DNAH11: variants seen among roughly 807,000 people sequenced by gnomAD.
The protein encoded by DNAH11 is dynein axonemal heavy chain 11, also known as axonemal beta dynein heavy chain 11.
In DNAH11, 442 loss-of-function variants were observed where a neutral mutation model predicts 526.0. That is an observed-to-expected ratio of 0.84 (90% CI 0.78 to 0.91). DNAH11 has a LOEUF of 0.91. Among genes scored for constraint, DNAH11 ranks in the 40% least tolerant of loss-of-function variants. The pLI, the probability that DNAH11 is intolerant of heterozygous loss-of-function variation, is 0.00. For synonymous variants in DNAH11, 2,461 were observed against 1,935.9 expected, an observed-to-expected ratio of 1.27 and a Z score of -7.12; for missense variants, 6,989 against 5,448.7, an observed-to-expected ratio of 1.28 and a Z score of -8.90.
Position 21,704,459 on chromosome 7 carries a change from T to G in DNAH11, c.6299T>G (p.Phe2100Cys). The G allele has an allele frequency of 6.2e-7, 1 of 1,613,694 alleles. No individual in the cohort carries two copies. The highest frequency in any genetic ancestry group is 8.5e-7 in the Non-Finnish European group (1 of 1,179,764). The change falls in exon 38 of 82, where the codon TTC becomes TGC. Residue 2100 changes from phenylalanine to cysteine, a missense_variant. By Grantham distance (205) the Phe-to-Cys change is radical. Transcript: ENST00000409508. ...DQVLMRALRD[F>C]NMPKIVTDDI... ...GTACTCATGAGAGCATTAAGGGATT[T>G]CAATATGCCCAAAATAGTGACTGAC...
chr7:21,797,096 A>G (rs1788750496), intron 61 of DNAH11, among the ~76,000 whole-genome samples: 2 of 152,180 alleles, frequency 1.3e-5, no homozygotes, highest in African/African-American at 2.4e-5. Context: ...ATAGAGAAAA[A>G]TTTTTTGAAA....
chr7:21,618,173 T>C (rs1000750009), intron 23 of DNAH11: 2 of 156,124 alleles, frequency 1.3e-5, no homozygotes, highest in African/African-American at 4.8e-5. Context: ...GACACAGAGA[T>C]AGTCTGGCAA....
chr7:21,681,540 T>G lies in DNAH11; in HGVS notation c.5329-6T>G, dbSNP rs371867661. On this transcript the variant is annotated splice_polypyrimidine_tract_variant and splice_region_variant and intron_variant, in intron 30 of 81. Transcript: ENST00000409508. ...TCTCTCCTTTTTAAAAAATGATTCC[T>G]TCTAGATTTCTCAGCTGAATACACT... The G allele has an allele frequency of 1.6e-5, 26 of 1,613,058 alleles. No homozygotes were observed. The highest frequency in any genetic ancestry group is 2.1e-5 in the Non-Finnish European group (25 of 1,179,344).
chr7:21,883,594 C>CTG, intron 75 of DNAH11, among the ~76,000 whole-genome samples: 1 of 152,324 alleles, frequency 6.6e-6, no homozygotes, highest in East Asian at 1.9e-4. Context: ...TTTCCTGAAT[C>CTG]AGATAATACA....
intron 1 of DNAH11, 163 bp downstream of exon 1, chr7:21,543,759 C>T: frequency 1.5e-6 from 1 of 687,802 alleles, no homozygotes; most frequent in Non-Finnish European, 2.4e-6. Context: ...TCCCCACGTG[C>T]ACCCACTCTG....
Position 21,873,443 on chromosome 7 carries a change from A to AG in DNAH11, c.12137_12138insG (p.Asn4046LysfsTer2), listed in dbSNP as rs746269747. On this transcript the variant is annotated frameshift_variant, in exon 74 of 82. Coordinates refer to ENST00000409508, the MANE Select transcript of DNAH11 (RefSeq NM_001277115.2). LOFTEE classifies it high-confidence loss of function. ...CTGGAAAATTCCATTAAGATCACTA[A>AG]TGAACCCCCAACAGGGATGCTGGCC... The AG allele has an allele frequency of 6.2e-7, 1 of 1,613,966 alleles. No homozygotes were observed.
chr7:21,889,372 G>A (rs922172654), intron 76 of DNAH11, among the ~76,000 whole-genome samples: 7 of 152,156 alleles, frequency 4.6e-5, no homozygotes, highest in Admixed American at 2.6e-4. Context: ...TACAAATTTT[G>A]TGTGGACATA....
chr7:21,835,029 C>A (rs2128011122), intron 65 of DNAH11, among the ~76,000 whole-genome samples: 1 of 152,042 alleles, frequency 6.6e-6, no homozygotes, highest in South Asian at 2.1e-4. Flanking sequence ...TGGATAAATT[C>A]CTAGACATGT....
intron 14 of DNAH11, among the ~76,000 whole-genome samples, chr7:21,592,065 A>AACAC (rs1027735394): frequency 6.6e-6 from 1 of 151,684 alleles, no homozygotes; most frequent in South Asian, 2.1e-4. Context: ...ACAGAAAAAA[A>AACAC]ACACACACAC....
chr7:21,735,965 A>T (rs1049959425), intron 46 of DNAH11, 121 bp downstream of exon 46: 1 of 958,808 alleles, frequency 1.0e-6, no homozygotes, highest in Non-Finnish European at 1.5e-6. Flanking sequence ...TGGGCCTTAG[A>T]TGAATTTGTA....
Position 21,901,477 on chromosome 7 carries a change from G to A in DNAH11, c.*223G>A, listed in dbSNP as rs1232942462. The A allele has an allele frequency of 4.1e-6, 2 of 492,066 alleles. No homozygotes were observed. Among genetic ancestry groups the A allele is most frequent in the Non-Finnish European group, 6.1e-6 (2 of 327,532 alleles). 30.5% of individuals were successfully genotyped at this position (492,066 alleles called of 1,614,324 possible). ...GTAATCCCAGTTACTCAGGAGGTAG[G>A]AGAATCACTTGAACCTAGGAGGCAA... On this transcript the variant is annotated 3_prime_UTR_variant, in exon 82 of 82. Transcript: ENST00000409508.
At chr7:21,551,296 C>T (rs965654870) in intron 2 of DNAH11, among the ~76,000 whole-genome samples, 1 of 152,158 alleles carries the variant, frequency 6.6e-6, no homozygotes, top group Admixed American at 6.5e-5. Context: ...TGCTCAGCAG[C>T]GCCATCTGCA....
At chr7:21,730,693 GGA>G (rs1785340267) in intron 45 of DNAH11, among the ~76,000 whole-genome samples, 1 of 152,178 alleles carries the variant, frequency 6.6e-6, no homozygotes, top group Non-Finnish European at 1.5e-5. Context: ...GCTGGAGTTA[GGA>G]GACTGGGGAG....
intron 23 of DNAH11, chr7:21,618,273 AGCAAATCAGG>A (rs1785875084): frequency 6.5e-6 from 1 of 152,722 alleles, no homozygotes; most frequent in Admixed American, 6.5e-5. Flanking sequence ...CTCAGTCCGG[AGCAAATCAGG>A]GCATTTGGTC....
At chr7:21,822,505 T>C (rs1309142129) in intron 65 of DNAH11, among the ~76,000 whole-genome samples, 1 of 152,126 alleles carries the variant, frequency 6.6e-6, no homozygotes, top group African/African-American at 2.4e-5. Flanking sequence ...AGGACAAATA[T>C]CCAAACTGTA....
chr7:21,733,044 T>G (rs747359892), intron 45 of DNAH11, among the ~76,000 whole-genome samples: 1 of 151,274 alleles, frequency 6.6e-6, no homozygotes, highest in Non-Finnish European at 1.5e-5. Context: ...CGTGGCTATG[T>G]GGGGGAGGGG....
rs539856482 is a variant in DNAH11, at chr7:21,674,357, G to A, written c.5329-7189G>A. 3.3e-5 allele frequency among the ~76,000 whole-genome samples: 5 copies of A among 152,016 alleles called. No homozygotes were observed. In the South Asian group the frequency reaches 8.3e-4, roughly 25 times the overall value. ...AGATGTGAGCCACTGCGCCTGGTCT[G>A]TTTTTGTGTTTTGTTTTGTTTGAAA... On this transcript the variant is annotated intron_variant, in intron 30 of 81. Coordinates refer to ENST00000409508, the MANE Select transcript of DNAH11 (RefSeq NM_001277115.2).
chr7:21,740,580 T>C (rs1406344346), intron 48 of DNAH11, among the ~76,000 whole-genome samples: 1 of 152,232 alleles, frequency 6.6e-6, no homozygotes, highest in Non-Finnish European at 1.5e-5. Flanking sequence ...CCGAGTCATA[T>C]TCTAGTACAT....
intron 8 of DNAH11, among the ~76,000 whole-genome samples, chr7:21,581,189 A>T (rs940524561): frequency 6.6e-5 from 10 of 152,190 alleles, no homozygotes; most frequent in Admixed American, 2.0e-4. Context: ...TTGACTATGA[A>T]GCACCAAAAT....
Sources: gnomAD v4.1 joint callset for allele counts (sites outside exome capture counted in the v4.1 genomes callset) on GRCh38, gnomAD v4.1.1 for gene constraint, MANE v1.5 for transcripts, NCBI Gene and HGNC (gene_info 2026-07-23, HGNC 2026-07-21) for gene names.